Variants in FAM171A1 observed in about 807,000 individuals in gnomAD.
FAM171A1 encodes family with sequence similarity 171 member A1.
A neutral mutation model predicts 74.9 loss-of-function variants in FAM171A1; 23 were observed. The observed-to-expected ratio is 0.31, with a 90% CI of 0.22 to 0.44. FAM171A1 has a LOEUF of 0.44. Ranked by LOEUF, FAM171A1 falls within the 20% of genes least tolerant of loss-of-function variation. The probability of loss-of-function intolerance (pLI) is 1.00; values close to 1 mark genes in which losing one functional copy is unlikely to be tolerated. For synonymous variants in FAM171A1, 527 were observed against 505.7 expected, an observed-to-expected ratio of 1.04 and a Z score of -0.57; for missense variants, 1,162 against 1,159.2, an observed-to-expected ratio of 1.00 and a Z score of -0.03.
rs941777062 is a variant in FAM171A1 at position 15,369,699 on chromosome 10, C to T, written c.97+1257G>A. 5.3e-4 allele frequency among the ~76,000 whole-genome samples: 80 copies of T among 152,324 alleles called. 1 individual carries two copies. The highest frequency in any genetic ancestry group is 1.9e-3 in the African/African-American group (78 of 41,566). On this transcript the variant is annotated intron_variant, in intron 1 of 7. Transcript: ENST00000378116. ...GAGTGTTGGCAGAGCCTTTCCTCCC[C>T]GTAGCAACATCGTGGTGGAAGCCCG...
chr10:15,284,062 C>A lies in FAM171A1; in HGVS notation c.141G>T (p.Gln47His), dbSNP rs757733951. Residue 47 changes from glutamine to histidine, a missense_variant, in exon 2 of 8, where the codon CAG (glutamine) becomes CAT (histidine). Transcript: ENST00000378116. ...TCTCGATGAGCGCATCTGCTACGGG[C>A]TGGTGGGTGCTGGCGTCGCTGATGT... is the stretch of plus-strand genomic sequence containing the variant. The part of the protein sequence containing the change: ...KVHISDASTH[Q>H]PVADALIEIF... The A allele has an allele frequency of 1.9e-6, 3 of 1,609,436 alleles. No homozygotes were observed. The highest frequency in any genetic ancestry group is 1.1e-5 in the South Asian group (1 of 90,862).
intron 5 of FAM171A1, among the ~76,000 whole-genome samples, chr10:15,228,086 A>G (rs1055997289): frequency 3.9e-5 from 6 of 152,158 alleles, no homozygotes; most frequent in Non-Finnish European, 7.3e-5. Context: ...GCCCAAAACA[A>G]TGTCTAATTT....
At chr10:15,252,261 C>G (rs949468593) in intron 4 of FAM171A1, among the ~76,000 whole-genome samples, 3 of 152,206 alleles carry the variant, frequency 2.0e-5, no homozygotes, top group African/African-American at 7.2e-5. Context: ...ACTTACAACT[C>G]TGGATCCACC....
At chr10:15,312,335 C>A (rs1430693521) in intron 1 of FAM171A1, among the ~76,000 whole-genome samples, 1 of 152,232 alleles carries the variant, frequency 6.6e-6, no homozygotes, top group African/African-American at 2.4e-5. Context: ...GTTGCTTACT[C>A]GCTGCTGAAC....
chr10:15,229,593 ATC>A (rs1285520376), intron 5 of FAM171A1, among the ~76,000 whole-genome samples: 4,981 of 135,314 alleles, frequency 0.037, 875 homozygotes, highest in Middle Eastern at 0.062. Flanking sequence ...CATCATCACC[ATC>A]ATCACCATCA....
chr10:15,296,557 A>G (rs960405984), intron 1 of FAM171A1, among the ~76,000 whole-genome samples: 2 of 152,140 alleles, frequency 1.3e-5, no homozygotes, highest in African/African-American at 4.8e-5. Flanking sequence ...TGTCATCCAG[A>G]AGAGAAAGGA....
chr10:15,284,483 C>T (rs949372863), intron 1 of FAM171A1, among the ~76,000 whole-genome samples: 5 of 151,882 alleles, frequency 3.3e-5, no homozygotes, highest in South Asian at 2.1e-4. Context: ...AGTACAGGTG[C>T]GTGATGATGG....
intron 1 of FAM171A1, among the ~76,000 whole-genome samples, chr10:15,328,038 G>A (rs914846691): frequency 2.0e-5 from 3 of 146,856 alleles, no homozygotes; most frequent in Non-Finnish European, 4.5e-5. Flanking sequence ...AAATAATGAT[G>A]TTGCCATTGC....
At chr10:15,343,085 C>T (rs1835782955) in intron 1 of FAM171A1, among the ~76,000 whole-genome samples, 1 of 152,280 alleles carries the variant, frequency 6.6e-6, no homozygotes, top group Non-Finnish European at 1.5e-5. Context: ...ATATAATTAC[C>T]TGTGGGCAGG....
In FAM171A1 at chr10:15,353,024, G is replaced by A. The variant is rs561144641; in HGVS notation, c.97+17932C>T. On this transcript the variant is annotated intron_variant, in intron 1 of 7. Transcript: ENST00000378116. ...AAGCCGCATTTTAAAAGGGCGCTCT[G>A]TGCTCCGGCAGATGGGCTACAAACT... 8.0e-4 allele frequency among the ~76,000 whole-genome samples: 122 copies of A among 152,322 alleles called. 1 individual carries two copies. Among genetic ancestry groups the A allele is most frequent in the Non-Finnish European group, 1.4e-3 (95 of 68,032 alleles).
intron 3 of FAM171A1, among the ~76,000 whole-genome samples, chr10:15,261,211 A>G (rs1231184620): frequency 1.3e-5 from 2 of 152,244 alleles, no homozygotes; most frequent in African/African-American, 4.8e-5. Flanking sequence ...TGAAGTTTAA[A>G]CAAAACCAAG....
chr10:15,315,490 G>A (rs1835411979), intron 1 of FAM171A1, among the ~76,000 whole-genome samples: 1 of 152,158 alleles, frequency 6.6e-6, no homozygotes, highest in Non-Finnish European at 1.5e-5. Context: ...CCTTCTCAAT[G>A]ACAATGTCTC....
At chr10:15,307,646 C>CA (rs560861841) in intron 1 of FAM171A1, among the ~76,000 whole-genome samples, 12,495 of 92,766 alleles carry the variant, frequency 0.13, 1,547 homozygotes, top group African/African-American at 0.29. Flanking sequence ...AACTCCATTT[C>CA]AAAAAAAAAA....
intron 5 of FAM171A1, among the ~76,000 whole-genome samples, chr10:15,233,033 G>A (rs1834227797): frequency 6.6e-6 from 1 of 152,224 alleles, no homozygotes; most frequent in African/African-American, 2.4e-5. Flanking sequence ...AGTGGCTCAC[G>A]CCTGTAATCC....
At chr10:15,323,001 G>A (rs773363738) in intron 1 of FAM171A1, among the ~76,000 whole-genome samples, 5 of 151,910 alleles carry the variant, frequency 3.3e-5, no homozygotes, top group Non-Finnish European at 2.9e-5. Flanking sequence ...TTAGACGGGC[G>A]TGGTGGTGCA....
At position 15,312,673 on chromosome 10, in the gene FAM171A1, G is replaced by GTTTGTTTT. The variant is rs1564274246; in HGVS notation, c.98-28569_98-28568insAAAACAAA. On this transcript the variant is annotated intron_variant, in intron 1 of 7. Coordinates refer to ENST00000378116, the MANE Select transcript of FAM171A1 (RefSeq NM_001010924.2). ...TACTGGAATGAGTTCAGCACTGTGT[G>GTTTGTTTT]TTTTTTTTTTTTTTTTTTTTTTTTT... Among the ~76,000 whole-genome samples the GTTTGTTTT allele has an allele frequency of 3.3e-4, 12 of 36,410 alleles. 1 individual carries two copies. Among genetic ancestry groups the GTTTGTTTT allele is most frequent in the South Asian group, 3.3e-3 (2 of 610 alleles). The allele number at this position is 36,410 out of a possible 152,430, so 23.9% of individuals were successfully genotyped here.
At chr10:15,283,542 T>A (rs1305465399) in intron 2 of FAM171A1, among the ~76,000 whole-genome samples, 1 of 152,130 alleles carries the variant, frequency 6.6e-6, no homozygotes, top group African/African-American at 2.4e-5. Context: ...CCCCTCCCCA[T>A]ATTGAATGGT....
At position 15,350,529 on chromosome 10, in the gene FAM171A1, G is replaced by T. The variant is rs1835865351; in HGVS notation, c.97+20427C>A. Among the ~76,000 whole-genome samples the T allele has an allele frequency of 2.7e-5, 4 of 150,664 alleles. No individual in the cohort carries two copies. The South Asian group carries it at 8.5e-4, about 32-fold the overall frequency. On this transcript the variant is annotated intron_variant, in intron 1 of 7. Transcript: ENST00000378116. Reference sequence around the variant, plus strand: ...GCTAATTTTTTGTATTTTTAGTAGAGACGGGGTTTCACTGTGTTAGCCAGG... The same window carrying T: ...GCTAATTTTTTGTATTTTTAGTAGATACGGGGTTTCACTGTGTTAGCCAGG...
chr10:15,294,033 C>G (rs1835132765), intron 1 of FAM171A1, among the ~76,000 whole-genome samples: 1 of 152,114 alleles, frequency 6.6e-6, no homozygotes, highest in Non-Finnish European at 1.5e-5. Context: ...GAAGCAGGGC[C>G]TTTTTCTGGC....
Sources: gnomAD v4.1 joint callset for allele counts (sites outside exome capture counted in the v4.1 genomes callset) on GRCh38, gnomAD v4.1.1 for gene constraint, MANE v1.5 for transcripts, NCBI Gene and HGNC (gene_info 2026-07-23, HGNC 2026-07-21) for gene names.